Variants in UGT1A7 observed in about 807,000 individuals in gnomAD.
UGT1A7 encodes the protein UDP-glucuronosyltransferase 1A7.
In UGT1A7, 33 loss-of-function variants were observed where a neutral mutation model predicts 45.6. The observed-to-expected ratio is 0.72, with a 90% CI of 0.55 to 0.97. The LOEUF (loss-of-function observed/expected upper bound fraction) is 0.97, where lower values mean the gene tolerates loss of function less well. UGT1A7 is among the 50% of genes least tolerant of loss of function. The pLI is 0.00. For missense variants in UGT1A7, 684 were observed against 666.2 expected (o/e 1.03, Z -0.29); for synonymous variants, 274 against 250.6 (o/e 1.09, Z -0.88).
rs199786512 is a variant in UGT1A7 at position 233,769,592 on chromosome 2, C to A, written c.1295+1153C>A. The A allele has an allele frequency of 6.2e-7, 1 of 1,612,706 alleles. No homozygotes were observed. The highest frequency in any genetic ancestry group is 1.3e-5 in the African/African-American group (1 of 74,904). On this transcript the variant is annotated intron_variant, in intron 4 of 4. Coordinates refer to ENST00000373426, the MANE Select transcript of UGT1A7 (RefSeq NM_019077.3). The surrounding 1 kb of genome is among the most constrained non-coding windows in gnomAD (Gnocchi z 4.4). Reference sequence around the variant, plus strand: ...TGGAGCATGTTCAGATGAGAGGAGACGGAACACGGGGACACACCAGCTTGA... The same window carrying A: ...TGGAGCATGTTCAGATGAGAGGAGAAGGAACACGGGGACACACCAGCTTGA...
At chr2:233,754,193 TA>T (rs1341563622) in intron 1 of UGT1A7, 2 of 162,294 alleles carry the variant, frequency 1.2e-5, no homozygotes, top group African/African-American at 4.8e-5. Context: ...CACCACACAG[TA>T]AAACATTGAA....
chr2:233,711,694 C>A (rs1421464743), intron 1 of UGT1A7, among the ~76,000 whole-genome samples: 1 of 152,196 alleles, frequency 6.6e-6, no homozygotes, highest in Non-Finnish European at 1.5e-5. Context: ...ATGGGGGTAA[C>A]TTCCTCCCTA....
rs559155778 is a variant in UGT1A7 at position 233,769,190 on chromosome 2, G to A, written c.1295+751G>A. Among the ~76,000 whole-genome samples, 1 of 152,304 alleles carries A rather than the reference G, an allele frequency of 6.6e-6. No homozygotes were observed. The highest frequency in any genetic ancestry group is 2.4e-5 in the African/African-American group (1 of 41,564). ...GTCCATGGAGTTTATGAATGAAGGA[G>A]CTATAAGATATCACAGACAAAGTCT... On this transcript the variant is annotated intron_variant, in intron 4 of 4. Transcript: ENST00000373426. The surrounding 1 kb of genome is among the most constrained non-coding windows in gnomAD (Gnocchi z 4.4).
At chr2:233,724,459 C>T (rs1289269804) in intron 1 of UGT1A7, among the ~76,000 whole-genome samples, 3 of 125,990 alleles carry the variant, frequency 2.4e-5, no homozygotes, top group Non-Finnish European at 3.3e-5. Flanking sequence ...AGCTGCCGGG[C>T]GGAGGGGCTC....
rs531044910 is a variant in UGT1A7, at chr2:233,751,112, A to G, written c.856-15922A>G. 2.6e-5 allele frequency among the ~76,000 whole-genome samples: 4 copies of G among 152,082 alleles called. No homozygotes were observed. The South Asian group carries it at 8.3e-4, about 32-fold the overall frequency. On this transcript the variant is annotated intron_variant, in intron 1 of 4. Transcript: ENST00000373426. ...GGAGGAGGGCTTTGCCCTGCAAGCCACAGTGTCCAAGTTGCCTGAGACTGT... is the reference window on the plus strand; with the variant it reads ...GGAGGAGGGCTTTGCCCTGCAAGCCGCAGTGTCCAAGTTGCCTGAGACTGT...
chr2:233,691,508 C>G (rs1369652269), intron 1 of UGT1A7: 4 of 985,724 alleles, frequency 4.1e-6, no homozygotes, highest in Non-Finnish European at 4.8e-6. Context: ...ACTCGCGTGC[C>G]AGCCAGGTGT....
At chr2:233,716,751 G>A (rs900841882) in intron 1 of UGT1A7, among the ~76,000 whole-genome samples, 2 of 152,184 alleles carry the variant, frequency 1.3e-5, no homozygotes, top group African/African-American at 4.8e-5. Flanking sequence ...GATTGGGAGA[G>A]GGGAGCTAGA....
chr2:233,694,467 T>C (rs1197070708), intron 1 of UGT1A7, among the ~76,000 whole-genome samples: 1 of 152,162 alleles, frequency 6.6e-6, no homozygotes, highest in African/African-American at 2.4e-5. Flanking sequence ...GCAAAAGGGG[T>C]ATGGCCTCTG....
downstream of UGT1A7, chr2:233,773,300 AT>A (rs1228991632): frequency 6.6e-6 from 1 of 152,190 alleles, no homozygotes; most frequent in Non-Finnish European, 1.5e-5. Context: ...TATAAATTCT[AT>A]TTAAGTGTTT....
At chr2:233,738,545 C>T (rs1690821888) in intron 1 of UGT1A7, among the ~76,000 whole-genome samples, 1 of 152,164 alleles carries the variant, frequency 6.6e-6, no homozygotes, top group South Asian at 2.1e-4. Flanking sequence ...GGCTGAGTCT[C>T]AGATAGAGAT....
At chr2:233,757,089 G>A (rs553473050) in intron 1 of UGT1A7, among the ~76,000 whole-genome samples, 2 of 151,514 alleles carry the variant, frequency 1.3e-5, no homozygotes, top group African/African-American at 4.8e-5. Flanking sequence ...AGGGTAAGAG[G>A]CAGAGGGAGG....
intron 1 of UGT1A7, among the ~76,000 whole-genome samples, chr2:233,726,604 A>ACCCAGGAT (rs1166552006): frequency 1.2e-4 from 18 of 152,184 alleles, no homozygotes; most frequent in African/African-American, 4.3e-4. Flanking sequence ...TTGTGATTAC[A>ACCCAGGAT]CTGTCCTGCC....
intron 1 of UGT1A7, chr2:233,755,452 C>G (rs1440747230): frequency 1.3e-5 from 4 of 306,254 alleles, no homozygotes; most frequent in Non-Finnish European, 2.6e-5. Context: ...GCTCCTGGGA[C>G]TGGCCCTGCT....
chr2:233,754,656 T>C (rs776841418), intron 1 of UGT1A7: 5 of 458,568 alleles, frequency 1.1e-5, no homozygotes. Flanking sequence ...AATGATTCTC[T>C]TGGTGGTGAT....
At chr2:233,735,916 G>A (rs182665210) in intron 1 of UGT1A7, among the ~76,000 whole-genome samples, 217 of 152,260 alleles carry the variant, frequency 1.4e-3, no homozygotes, top group South Asian at 0.012. Context: ...TGGGTAACCC[G>A]ACCTTTCTCT....
chr2:233,752,614 C>T (rs567429559), intron 1 of UGT1A7: 24 of 152,230 alleles, frequency 1.6e-4, no homozygotes, highest in African/African-American at 5.8e-4. Context: ...AAAACATTAG[C>T]TAGGTGTGGT....
intron 1 of UGT1A7, chr2:233,690,012 T>C (rs2074971337): frequency 2.3e-6 from 1 of 442,466 alleles, no homozygotes; most frequent in Non-Finnish European, 4.5e-6. Context: ...CTCACCATTT[T>C]GGACCTTCCT....
chr2:233,713,035 G>T, intron 1 of UGT1A7: 1 of 1,613,988 alleles, frequency 6.2e-7, no homozygotes, highest in Non-Finnish European at 8.5e-7. Context: ...CTGGCCACAG[G>T]ACTGCTGCTT....
rs114982090 is a variant in UGT1A7, at chr2:233,772,309, C to T, written c.1343C>T (p.Pro448Leu). The T allele has an allele frequency of 2.3e-4, 377 of 1,614,206 alleles. No individual in the cohort carries two copies. The East Asian group carries it at 3.1e-3, about 13-fold the overall frequency. ...MRLSSLHKDR[P>L]VEPLDLAVFW... Reference sequence around the variant, plus strand: ...CTCTCCAGCCTTCACAAGGACCGCCCGGTGGAGCCGCTGGACCTGGCCGTG... The same window carrying T: ...CTCTCCAGCCTTCACAAGGACCGCCTGGTGGAGCCGCTGGACCTGGCCGTG... The change falls in exon 5 of 5, where the codon CCG becomes CTG. Residue 448 changes from proline (P) to leucine (L), a missense_variant. Pro to Leu is a moderately conservative substitution (Grantham distance 98). Coordinates refer to ENST00000373426, the MANE Select transcript of UGT1A7 (RefSeq NM_019077.3).
Sources: allele counts gnomAD v4.1 joint callset (sites outside exome capture counted in the v4.1 genomes callset), GRCh38; gene constraint gnomAD v4.1.1; non-coding constraint Gnocchi (gnomAD v3.1); transcripts MANE v1.5; gene names NCBI Gene and HGNC (gene_info 2026-07-23, HGNC 2026-07-21).